Variants in SGCD observed in about 807,000 individuals in gnomAD.
SGCD encodes delta-sarcoglycan.
Under a neutral mutation model 36.6 loss-of-function variants are expected in SGCD, and 18 were observed. The observed-to-expected ratio is 0.49, with a 90% CI of 0.34 to 0.73. The LOEUF (loss-of-function observed/expected upper bound fraction) is 0.73. SGCD is among the 30% of genes least tolerant of loss of function. SGCD has a pLI of 0.01. For synonymous variants in SGCD, 133 were observed against 130.6 expected (o/e 1.02, Z -0.12); for missense variants, 387 against 346.7 (o/e 1.12, Z -0.92).
chr5:156,292,698 G>A (rs1248022961), intron 3 of SGCD, among the ~76,000 whole-genome samples: 3 of 152,062 alleles, frequency 2.0e-5, no homozygotes, highest in Non-Finnish European at 2.9e-5. Flanking sequence ...ACAGTGGGAT[G>A]TTCCATTTTA....
chr5:156,192,972 A>C (rs1459543320), intron 3 of SGCD, among the ~76,000 whole-genome samples: 1 of 151,528 alleles, frequency 6.6e-6, no homozygotes, highest in Admixed American at 6.6e-5. Flanking sequence ...GCTGTGTTCC[A>C]ATAAAATGTG....
chr5:155,984,359 TA>T (rs1700228403), intron 1 of SGCD, among the ~76,000 whole-genome samples: 2 of 152,214 alleles, frequency 1.3e-5, no homozygotes, highest in African/African-American at 4.8e-5. Context: ...GTTCGTGATC[TA>T]AAATGTGGAG....
At chr5:156,466,335 G>T (rs902728173) in intron 3 of SGCD, among the ~76,000 whole-genome samples, 1 of 152,088 alleles carries the variant, frequency 6.6e-6, no homozygotes. Flanking sequence ...TTTAACTCTT[G>T]TACACAACTA....
At chr5:155,872,500 A>C (rs954867793) in intron 1 of SGCD, among the ~76,000 whole-genome samples, 1 of 152,180 alleles carries the variant, frequency 6.6e-6, no homozygotes, top group African/African-American at 2.4e-5. Flanking sequence ...GCTGTTAAAG[A>C]GACAGCCAAC....
At chr5:156,185,846 T>G (rs868333203) in intron 3 of SGCD, among the ~76,000 whole-genome samples, 1 of 12,536 alleles carries the variant, frequency 8.0e-5, no homozygotes, top group African/African-American at 1.7e-4. Flanking sequence ...TATATATATA[T>G]ATATAGAGAG....
At chr5:155,864,511 G>A in the SGCD span, among the ~76,000 whole-genome samples, 1 of 152,108 alleles carries the variant, frequency 6.6e-6, no homozygotes, top group African/African-American at 2.4e-5. Context: ...AAAAAAAAAG[G>A]AGGGCTAGGT....
At chr5:156,362,362 C>T (rs552474610) in intron 3 of SGCD, among the ~76,000 whole-genome samples, 6 of 152,304 alleles carry the variant, frequency 3.9e-5, no homozygotes, top group South Asian at 4.1e-4. Context: ...AAATAGCATT[C>T]GAGGCTGGCA....
At chr5:155,989,512 A>T (rs1250084006) in intron 1 of SGCD, among the ~76,000 whole-genome samples, 1 of 151,984 alleles carries the variant, frequency 6.6e-6, no homozygotes, top group Non-Finnish European at 1.5e-5. Context: ...ATACTAGGTA[A>T]AGTTTGTTAT....
chr5:156,474,696 A>G (rs551353435), intron 3 of SGCD, among the ~76,000 whole-genome samples: 1 of 152,332 alleles, frequency 6.6e-6, no homozygotes, highest in East Asian at 1.9e-4. Flanking sequence ...TGGAATTCTT[A>G]AAAGGATAAT....
intron 3 of SGCD, among the ~76,000 whole-genome samples, chr5:156,271,713 C>T (rs1258484272): frequency 6.6e-6 from 1 of 152,010 alleles, no homozygotes; most frequent in Admixed American, 6.6e-5. Context: ...TCTGTAAATA[C>T]ATCATGATCC....
chr5:155,893,373 T>A (rs1756179983), intron 1 of SGCD, among the ~76,000 whole-genome samples: 1 of 152,210 alleles, frequency 6.6e-6, no homozygotes, highest in Non-Finnish European at 1.5e-5. Context: ...TTGTAAACTC[T>A]GTTCTAAGTG....
At chr5:156,671,217 G>A (rs1049274553) in intron 7 of SGCD, among the ~76,000 whole-genome samples, 11 of 147,692 alleles carry the variant, frequency 7.4e-5, no homozygotes, top group Non-Finnish European at 1.6e-4. Flanking sequence ...CAGGTCTCTG[G>A]CTTTCCAATT....
rs1238685481 is a variant in SGCD, at chr5:156,390,463, C to T, written c.192+45786C>T. On this transcript the variant is annotated intron_variant, in intron 3 of 8. Coordinates refer to ENST00000337851, the MANE Select transcript of SGCD (RefSeq NM_000337.6). The stretch of plus-strand genomic sequence containing the variant: ...TTAAAGTGGGCCAGGCACAATGGCT[C>T]ACGCCTGTATTCCCAGCACTTTGGG... Among the ~76,000 whole-genome samples, 5 of 152,366 alleles carry T rather than the reference C, an allele frequency of 3.3e-5. No individual in the cohort carries two copies. The South Asian group carries it at 8.3e-4, about 25-fold the overall frequency.
At chr5:156,480,263 T>C (rs375081031) in intron 3 of SGCD, among the ~76,000 whole-genome samples, 2 of 152,248 alleles carry the variant, frequency 1.3e-5, no homozygotes, top group African/African-American at 2.4e-5. Flanking sequence ...GAGGAAGTGA[T>C]GCTTTGATTG....
At position 156,696,920 on chromosome 5, in the gene SGCD, ACACACACAC is replaced by A. The variant is rs1754340166; in HGVS notation, c.575+49385_575+49393del. Among the ~76,000 whole-genome samples, 6 of 1,550 alleles carry A rather than the reference ACACACACAC, an allele frequency of 3.9e-3. No individual in the cohort carries two copies. The South Asian group carries it at 0.069, about 18-fold the overall frequency. 1.0% of individuals were successfully genotyped at this position (1,550 alleles called of 152,430 possible). A position where few individuals can be genotyped will look rare whatever the true frequency, so the allele number is the denominator to read the frequency against. On this transcript the variant is annotated intron_variant, in intron 7 of 8. Transcript: ENST00000337851. ...TCCCCATCATCCTTACACACAACAC[ACACACACAC>A]ACACACACACACACACACACACACA...
chr5:155,803,178 A>T, the SGCD span, among the ~76,000 whole-genome samples: 21 of 152,374 alleles, frequency 1.4e-4, no homozygotes, highest in Non-Finnish European at 2.9e-4. Context: ...TCAAGAAAAC[A>T]TAAACCACCC....
intron 3 of SGCD, among the ~76,000 whole-genome samples, chr5:156,189,518 G>T (rs1229903327): frequency 6.6e-6 from 1 of 152,086 alleles, no homozygotes; most frequent in Admixed American, 6.6e-5. Context: ...ATTTAATTAA[G>T]ATAATCTCTT....
chr5:155,837,860 T>C, the SGCD span, among the ~76,000 whole-genome samples: 1 of 152,228 alleles, frequency 6.6e-6, no homozygotes, highest in African/African-American at 2.4e-5. Flanking sequence ...TAACGAGCTT[T>C]CATTCCGATT....
At chr5:156,714,989 CAG>C (rs1486395275) in intron 7 of SGCD, among the ~76,000 whole-genome samples, 5 of 152,094 alleles carry the variant, frequency 3.3e-5, no homozygotes, top group Non-Finnish European at 7.4e-5. Flanking sequence ...ACTGGAGAAA[CAG>C]AGATTGTATT....
Sources: allele counts gnomAD v4.1 joint callset (sites outside exome capture counted in the v4.1 genomes callset), GRCh38; gene constraint gnomAD v4.1.1; transcripts MANE v1.5; gene names NCBI Gene and HGNC (gene_info 2026-07-23, HGNC 2026-07-21).